Variants in GLCE observed in about 807,000 individuals in gnomAD.
The protein encoded by GLCE is D-glucuronyl C5-epimerase.
GLCE carries 19 observed loss-of-function variants against 47.9 expected under a neutral mutation model. The observed-to-expected ratio is 0.40, with a 90% CI of 0.28 to 0.58. The LOEUF is 0.58. GLCE is among the 20% of genes least tolerant of loss of function. GLCE has a pLI of 0.48. For synonymous variants in GLCE, 245 were observed against 263.4 expected, an observed-to-expected ratio of 0.93 and a Z score of 0.68; for missense variants, 556 against 743.3, an observed-to-expected ratio of 0.75 and a Z score of 2.93.
At chr15:69,260,391 C>T (rs961859406) in intron 3 of GLCE, among the ~76,000 whole-genome samples, 1 of 151,374 alleles carries the variant, frequency 6.6e-6, no homozygotes, top group Non-Finnish European at 1.5e-5. Context: ...TCCCAAATAG[C>T]TGGGATTACA....
chr15:69,221,199 T>C (rs551564216), intron 2 of GLCE, among the ~76,000 whole-genome samples: 16 of 152,358 alleles, frequency 1.1e-4, no homozygotes, highest in African/African-American at 3.6e-4. Context: ...AACTTGGTTC[T>C]TTTTTAAGAT....
Position 69,255,796 on chromosome 15 carries a change from A to G in GLCE, c.-11A>G. 3 of 1,566,860 alleles carry G rather than the reference A, an allele frequency of 1.9e-6. No homozygotes were observed. The highest frequency in any genetic ancestry group is 1.7e-5 in the Admixed American group (1 of 59,532). On this transcript the variant is annotated splice_region_variant and 5_prime_UTR_variant, in exon 3 of 5. It removes an upstream start codon present in the reference 5' UTR. Transcript: ENST00000261858. ...TTTTTTTCTTCTTGCCTCCATAGGT[A>G]TGGTCTGAATATGCGTTGCTTGGCA...
At chr15:69,175,191 T>C (rs1348078630) in intron 1 of GLCE, among the ~76,000 whole-genome samples, 2 of 152,132 alleles carry the variant, frequency 1.3e-5, no homozygotes, top group Non-Finnish European at 2.9e-5. Context: ...TCTGATGTAT[T>C]GTAAAATTTA....
chr15:69,208,762 T>G (rs1230483566), intron 1 of GLCE, among the ~76,000 whole-genome samples: 15 of 152,088 alleles, frequency 9.9e-5, no homozygotes, highest in Admixed American at 8.5e-4. Context: ...ACACAGGATA[T>G]CTTTCTACTT....
At position 69,174,191 on chromosome 15, in the gene GLCE, C is replaced by T. The variant is rs571538603; in HGVS notation, c.-105+13434C>T. 1.9e-4 allele frequency among the ~76,000 whole-genome samples: 29 copies of T among 152,254 alleles called. 1 individual carries two copies. The South Asian group carries it at 3.1e-3, about 16-fold the overall frequency. ...TTTTTAAAAAGTTTATTCACAATTCCGAAGGAAACAAGATTTTAGTCTTGT... is the reference window on the plus strand; with the variant it reads ...TTTTTAAAAAGTTTATTCACAATTCTGAAGGAAACAAGATTTTAGTCTTGT... On this transcript the variant is annotated intron_variant, in intron 1 of 4. Transcript: ENST00000261858.
Position 69,269,786 on chromosome 15 carries a change from A to G in GLCE, c.*542A>G, listed in dbSNP as rs929500902. On this transcript the variant is annotated 3_prime_UTR_variant, in exon 5 of 5. Coordinates refer to ENST00000261858, the MANE Select transcript of GLCE (RefSeq NM_015554.3). ...TTGGGAGCAAATGAGTATTTGTTGC[A>G]TTTGTTCAATTTGTTGTATATGGTG... is the stretch of plus-strand genomic sequence containing the variant. 6.5e-6 allele frequency: 1 copy of G among 152,774 alleles called. No individual in the cohort carries two copies. Among genetic ancestry groups the G allele is most frequent in the African/African-American group, 2.4e-5 (1 of 41,458 alleles). The allele number at this position is 152,774 out of a possible 1,614,324, so 9.5% of individuals were successfully genotyped here.
intron 1 of GLCE, among the ~76,000 whole-genome samples, chr15:69,165,505 CTTTT>C (rs1172987241): frequency 1.2e-5 from 1 of 84,630 alleles, no homozygotes; most frequent in Admixed American, 1.2e-4. Flanking sequence ...GCACTGTCTG[CTTTT>C]TTTTTTTTTT....
At chr15:69,185,727 C>T (rs921714639) in intron 1 of GLCE, among the ~76,000 whole-genome samples, 1 of 152,022 alleles carries the variant, frequency 6.6e-6, no homozygotes, top group Non-Finnish European at 1.5e-5. Context: ...TTTTTCCCTA[C>T]ACACCAAGCA....
At chr15:69,226,829 C>G (rs1400323648) in intron 2 of GLCE, among the ~76,000 whole-genome samples, 1 of 150,272 alleles carries the variant, frequency 6.7e-6, no homozygotes, top group African/African-American at 2.5e-5. Flanking sequence ...ACTGCAACCT[C>G]CGCCTCCCAG....
intron 2 of GLCE, among the ~76,000 whole-genome samples, chr15:69,223,966 C>G (rs966969745): frequency 2.6e-5 from 4 of 152,122 alleles, no homozygotes; most frequent in Admixed American, 2.6e-4. Flanking sequence ...ACATCATTTT[C>G]TTGATTCTGT....
At chr15:69,202,187 T>A (rs1307398041) in intron 1 of GLCE, among the ~76,000 whole-genome samples, 1 of 151,964 alleles carries the variant, frequency 6.6e-6, no homozygotes, top group East Asian at 1.9e-4. Flanking sequence ...CCCAAAATGA[T>A]GGGATTATAG....
At chr15:69,204,371 CTCCCA>C (rs1292547388) in intron 1 of GLCE, among the ~76,000 whole-genome samples, 2 of 143,580 alleles carry the variant, frequency 1.4e-5, no homozygotes, top group Admixed American at 7.5e-5. Flanking sequence ...CAACCTCTGT[CTCCCA>C]GGCTTAAGTG....
chr15:69,237,288 A>G (rs929243978), intron 2 of GLCE, among the ~76,000 whole-genome samples: 1 of 152,166 alleles, frequency 6.6e-6, no homozygotes, highest in Non-Finnish European at 1.5e-5. Flanking sequence ...TATCCTAATA[A>G]TAACTCATTT....
intron 1 of GLCE, among the ~76,000 whole-genome samples, chr15:69,195,207 A>T (rs889770510): frequency 6.6e-6 from 1 of 152,206 alleles, no homozygotes; most frequent in Non-Finnish European, 1.5e-5. Flanking sequence ...TGTAAAGAAC[A>T]TATACATACA....
chr15:69,259,527 A>G (rs907706691), intron 3 of GLCE, among the ~76,000 whole-genome samples: 2 of 152,188 alleles, frequency 1.3e-5, no homozygotes, highest in African/African-American at 4.8e-5. Flanking sequence ...TATTTTGGCA[A>G]ATGGTACAAG....
At chr15:69,176,216 G>GTCTTTT (rs2051660214) in intron 1 of GLCE, among the ~76,000 whole-genome samples, 1 of 63,388 alleles carries the variant, frequency 1.6e-5, no homozygotes, top group Non-Finnish European at 2.7e-5. Context: ...GTGGAACCTT[G>GTCTTTT]TTTTTTTTTT....
rs753734612 is a variant in GLCE at position 69,268,936 on chromosome 15, T to C, written c.1546T>C (p.Leu516=). ...SFVLNGFMYS[L]IGLYDLKETA... is the part of the protein sequence containing the mutation. ...TGTTTTAAATGGCTTTATGTATTCT[T>C]TAATTGGGCTGTATGACTTAAAAGA... is the stretch of plus-strand genomic sequence containing the variant. The change falls in exon 5 of 5, where the codon TTA becomes CTA. Residue 516 remains leucine (L), a synonymous_variant. Coordinates refer to ENST00000261858, the MANE Select transcript of GLCE (RefSeq NM_015554.3). The C allele has an allele frequency of 5.0e-6, 8 of 1,614,162 alleles. No homozygotes were observed. Among genetic ancestry groups the C allele is most frequent in the Non-Finnish European group, 5.9e-6 (7 of 1,180,014 alleles).
intron 2 of GLCE, among the ~76,000 whole-genome samples, chr15:69,229,170 T>A (rs1260910992): frequency 6.6e-6 from 1 of 152,158 alleles, no homozygotes; most frequent in Non-Finnish European, 1.5e-5. Flanking sequence ...CATAATAATA[T>A]AAAAGGTCCA....
intron 4 of GLCE, among the ~76,000 whole-genome samples, chr15:69,264,020 G>A (rs1330426592): frequency 6.6e-6 from 1 of 152,082 alleles, no homozygotes; most frequent in Non-Finnish European, 1.5e-5. Context: ...TGGTGGTGGT[G>A]AGAACATTTA....
Sources: allele counts gnomAD v4.1 joint callset (sites outside exome capture counted in the v4.1 genomes callset), GRCh38; gene constraint gnomAD v4.1.1; transcripts MANE v1.5; gene names NCBI Gene and HGNC (gene_info 2026-07-23, HGNC 2026-07-21).